The following NFIA variants were observed in gnomAD, a reference collection of about 807,000 sequenced individuals.
The protein encoded by NFIA is nuclear factor I A, also known as nuclear factor 1 A-type.
A neutral mutation model predicts 62.8 loss-of-function variants in NFIA; 8 were observed. That is an observed-to-expected ratio of 0.13 (90% CI 0.07 to 0.23). The LOEUF (loss-of-function observed/expected upper bound fraction) is 0.23. Ranked by LOEUF, NFIA falls within the 10% of genes least tolerant of loss-of-function variation. The pLI, the probability that NFIA is intolerant of heterozygous loss-of-function variation, is 1.00. For synonymous variants in NFIA, 235 were observed against 238.1 expected, an observed-to-expected ratio of 0.99 and a Z score of 0.12; for missense variants, 410 against 642.1, an observed-to-expected ratio of 0.64 and a Z score of 3.91.
At chr1:61,407,519 C>T (rs1357510368) in intron 9 of NFIA, among the ~76,000 whole-genome samples, 1 of 152,098 alleles carries the variant, frequency 6.6e-6, no homozygotes, top group East Asian at 1.9e-4. Context: ...CACAAATGTG[C>T]CTTTTATTAG....
At chr1:61,202,241 C>T (rs1652552504) in intron 2 of NFIA, among the ~76,000 whole-genome samples, 1 of 152,036 alleles carries the variant, frequency 6.6e-6, no homozygotes, top group Non-Finnish European at 1.5e-5. Flanking sequence ...TAAATAAAAT[C>T]CAACTAGGAA....
At chr1:61,291,805 A>G (rs2243860) in intron 3 of NFIA, among the ~76,000 whole-genome samples, 69,659 of 152,126 alleles carry the variant, frequency 0.46, 19,206 homozygotes, top group Admixed American at 0.65. Context: ...AGGTCAGGGA[A>G]TAACAATGGC....
intron 2 of NFIA, among the ~76,000 whole-genome samples, chr1:61,150,803 G>C (rs917459861): frequency 6.6e-6 from 1 of 152,142 alleles, no homozygotes; most frequent in Non-Finnish European, 1.5e-5. Context: ...TAGAAGGATG[G>C]GTTGAGAACA....
At chr1:61,198,918 GC>G (rs1652220305) in intron 2 of NFIA, among the ~76,000 whole-genome samples, 1 of 152,096 alleles carries the variant, frequency 6.6e-6, no homozygotes, top group Non-Finnish European at 1.5e-5. Flanking sequence ...ACCCCGGCTT[GC>G]CCCCCTCCTT....
intron 3 of NFIA, among the ~76,000 whole-genome samples, chr1:61,320,284 A>G (rs1180299990): frequency 2.6e-5 from 4 of 152,188 alleles, no homozygotes; most frequent in African/African-American, 7.2e-5. Flanking sequence ...CTAGGCCAGC[A>G]AACTTCAAAG....
chr1:61,438,980 A>G (rs968705809), intron 10 of NFIA, among the ~76,000 whole-genome samples: 8 of 146,372 alleles, frequency 5.5e-5, no homozygotes, highest in Admixed American at 2.8e-4. Context: ...TTTTCTGTCC[A>G]TTCCTAACAT....
At chr1:61,184,127 A>AC (rs1650962436) in intron 2 of NFIA, among the ~76,000 whole-genome samples, 1 of 113,742 alleles carries the variant, frequency 8.8e-6, no homozygotes, top group Non-Finnish European at 2.0e-5. Context: ...AAAAAAACCA[A>AC]AAAAAAAAAA....
chr1:61,160,142 G>C (rs2100534280), intron 2 of NFIA, among the ~76,000 whole-genome samples: 1 of 152,258 alleles, frequency 6.6e-6, no homozygotes, highest in African/African-American at 2.4e-5. Flanking sequence ...TGGAATCCCT[G>C]CCTCCCTAGT....
Position 61,457,613 on chromosome 1 carries a change from G to C in NFIA, c.*2293G>C, listed in dbSNP as rs1668363908. On this transcript the variant is annotated 3_prime_UTR_variant, in exon 11 of 11. Transcript: ENST00000403491. This position sits in a 1 kb window ranked among gnomAD's most constrained non-coding sequence, Gnocchi z 4.2. ...TGCTTATATCATGTAGAAAAGCTTA[G>C]CAATTATTAATTTTTCTTTTATTTT... 6.6e-6 allele frequency: 1 copy of C among 152,082 alleles called. No homozygotes were observed. The highest frequency in any genetic ancestry group is 1.5e-5 in the Non-Finnish European group (1 of 68,014). 9.4% of individuals were successfully genotyped at this position (152,082 alleles called of 1,614,324 possible). A position where few individuals can be genotyped will look rare whatever the true frequency, so the allele number is the denominator to read the frequency against.
At chr1:61,411,018 C>T (rs17265754) in intron 9 of NFIA, among the ~76,000 whole-genome samples, 30 of 152,284 alleles carry the variant, frequency 2.0e-4, no homozygotes, top group Non-Finnish European at 3.8e-4. Flanking sequence ...TGGAATAACA[C>T]TAACTGCTCT....
At chr1:61,142,096 TAAAA>T (rs879607941) in intron 2 of NFIA, among the ~76,000 whole-genome samples, 1 of 146,652 alleles carries the variant, frequency 6.8e-6, no homozygotes, top group South Asian at 2.2e-4. Context: ...TTTCTTTCCT[TAAAA>T]AAAAAAAATT....
At chr1:61,278,154 T>C (rs1231784026) in intron 3 of NFIA, among the ~76,000 whole-genome samples, 1 of 152,224 alleles carries the variant, frequency 6.6e-6, no homozygotes, top group Non-Finnish European at 1.5e-5. Flanking sequence ...GCTGCATAAA[T>C]ATCTAAATTT....
rs553376563 is a variant in NFIA, at chr1:61,415,858, G to A, written c.1420+9131G>A. 7.2e-5 allele frequency among the ~76,000 whole-genome samples: 11 copies of A among 152,138 alleles called. No individual in the cohort carries two copies. In the East Asian group the frequency reaches 2.1e-3, roughly 29 times the overall value. On this transcript the variant is annotated intron_variant, in intron 9 of 10. Transcript: ENST00000403491. ...TGTAAGCCGTGCATACATGGCTAGG[G>A]CATATGAACAAAAATGTACATAAAG...
chr1:61,086,894 C>T (rs1019909929), intron 1 of NFIA, among the ~76,000 whole-genome samples: 1 of 152,056 alleles, frequency 6.6e-6, no homozygotes, highest in Non-Finnish European at 1.5e-5. Context: ...GTCTGTCCTA[C>T]ACCATTTAGC....
At chr1:61,352,398 A>T in intron 4 of NFIA, 52 bp from the exon 5 acceptor site, 5 of 1,329,662 alleles carry the variant, frequency 3.8e-6, no homozygotes, top group Non-Finnish European at 4.3e-6. Context: ...GCTGTCATTG[A>T]TTTTTTTATC....
intron 3 of NFIA, among the ~76,000 whole-genome samples, chr1:61,323,680 A>C (rs561477708): frequency 6.6e-6 from 1 of 152,358 alleles, no homozygotes; most frequent in African/African-American, 2.4e-5. Flanking sequence ...CTGACTCCTC[A>C]AAAGGAAAAA....
Position 61,406,548 on chromosome 1 carries a change from C to CA in NFIA, c.1255-14_1255-13insA, listed in dbSNP as rs774441568. 18 of 933,580 alleles carry CA rather than the reference C, an allele frequency of 1.9e-5. No homozygotes were observed. Among genetic ancestry groups the CA allele is most frequent in the Admixed American group, 2.9e-5 (1 of 34,380 alleles). The allele number at this position is 933,580 out of a possible 1,614,324, so 57.8% of individuals were successfully genotyped here. The stretch of plus-strand genomic sequence containing the variant: ...TTCTTGTACGTGTGTTTTCTGCCCC[C>CA]CCCCCCCCCACAGCCCAATGGGAGC... On this transcript the variant is annotated splice_polypyrimidine_tract_variant and intron_variant, in intron 8 of 10. Coordinates refer to ENST00000403491, the MANE Select transcript of NFIA (RefSeq NM_001134673.4).
chr1:61,344,732 T>A (rs1169865402), intron 4 of NFIA, among the ~76,000 whole-genome samples: 1 of 152,236 alleles, frequency 6.6e-6, no homozygotes, highest in Admixed American at 6.5e-5. Context: ...CTATTAACCA[T>A]AGGCTGGACA....
At chr1:61,131,161 T>C (rs1230693419) in intron 2 of NFIA, among the ~76,000 whole-genome samples, 4 of 150,888 alleles carry the variant, frequency 2.7e-5, no homozygotes, top group Non-Finnish European at 5.9e-5. Flanking sequence ...AGTATGACTT[T>C]TTTTTTTTTT....
Sources: gnomAD v4.1 joint callset for allele counts (sites outside exome capture counted in the v4.1 genomes callset) on GRCh38, gnomAD v4.1.1 for gene constraint, Gnocchi (gnomAD v3.1) non-coding constraint, MANE v1.5 for transcripts, NCBI Gene and HGNC (gene_info 2026-07-23, HGNC 2026-07-21) for gene names.